Variants in AP3B2 observed in about 807,000 individuals in gnomAD.
AP3B2 encodes the protein AP-3 complex subunit beta-2.
AP3B2 carries 50 observed loss-of-function variants against 126.9 expected under a neutral mutation model. That is an observed-to-expected ratio of 0.39 (90% CI 0.31 to 0.50). The LOEUF is 0.50. Ranked by LOEUF, AP3B2 falls within the 20% of genes least tolerant of loss-of-function variation. The pLI is 0.79. For missense variants in AP3B2, 1,177 were observed against 1,426.4 expected (o/e 0.83, Z 2.82); for synonymous variants, 541 against 565.0 (o/e 0.96, Z 0.60).
At position 82,680,454 on chromosome 15, in the gene AP3B2, G is replaced by C. The variant is rs1020249899; in HGVS notation, c.1055+18C>G. 3.4e-6 allele frequency: 5 copies of C among 1,463,952 alleles called. No homozygotes were observed. The African/African-American group carries it at 7.2e-5, about 21-fold the overall frequency. The allele number at this position is 1,463,952 out of a possible 1,614,324, so 90.7% of individuals were successfully genotyped here. Reference sequence around the variant, plus strand: ...GGCAGGAGGCGAGGGAGGGGGCGGGGCTGGGGGCGGAGCGCACCTGTGGCT... The same window carrying C: ...GGCAGGAGGCGAGGGAGGGGGCGGGCCTGGGGGCGGAGCGCACCTGTGGCT... On this transcript the variant is annotated intron_variant, in intron 8 of 26. Coordinates refer to ENST00000535359, the MANE Select transcript of AP3B2 (RefSeq NM_001278512.2). This position sits in a 1 kb window ranked among gnomAD's most constrained non-coding sequence, Gnocchi z 6.1.
At chr15:82,682,641 A>G (rs2048359469) in intron 4 of AP3B2, among the ~76,000 whole-genome samples, 1 of 152,014 alleles carries the variant, frequency 6.6e-6, no homozygotes, top group South Asian at 2.1e-4. Context: ...ACTTGAGCCC[A>G]GGGAGTTGGA....
At chr15:82,676,744 AT>A in intron 13 of AP3B2, 107 bp from the exon 14 acceptor site, 1 of 1,145,762 alleles carries the variant, frequency 8.7e-7, no homozygotes, top group Non-Finnish European at 1.2e-6. Context: ...GGCCTGTTGT[AT>A]TATGGGTTCT....
chr15:82,680,812 C>A lies in AP3B2; in HGVS notation c.771+25G>T. The stretch of plus-strand genomic sequence containing the variant: ...CCTCCCCGGGACACACTTCGGCCCG[C>A]TCTGCCTGGGCTGGGCCCACTTACG... On this transcript the variant is annotated intron_variant, in intron 7 of 26. Coordinates refer to ENST00000535359, the MANE Select transcript of AP3B2 (RefSeq NM_001278512.2). The surrounding 1 kb of genome is among the most constrained non-coding windows in gnomAD (Gnocchi z 6.1). 1 of 1,612,330 alleles carries A rather than the reference C, an allele frequency of 6.2e-7. No homozygotes were observed. Among genetic ancestry groups the A allele is most frequent in the Non-Finnish European group, 8.5e-7 (1 of 1,179,122 alleles).
At chr15:82,685,424 T>C (rs1465019422) in intron 4 of AP3B2, 1 of 152,110 alleles carries the variant, frequency 6.6e-6, no homozygotes, top group Non-Finnish European at 1.5e-5. Flanking sequence ...TAAAGAAGGG[T>C]AGATATTACC....
chr15:82,688,989 T>C, intron 3 of AP3B2, 158 bp from the exon 4 acceptor site: 1 of 1,006,552 alleles, frequency 9.9e-7, no homozygotes, highest in African/African-American at 1.6e-5. Flanking sequence ...GTCCTTTACC[T>C]TGATCCACAT....
At chr15:82,692,305 C>G in intron 1 of AP3B2, 3 of 641,238 alleles carry the variant, frequency 4.7e-6, no homozygotes, top group Non-Finnish European at 7.8e-6. Context: ...ACGTCCTTCT[C>G]GCGCACGTTG....
chr15:82,700,266 C>G (rs941840154), intron 1 of AP3B2, among the ~76,000 whole-genome samples: 11 of 151,852 alleles, frequency 7.2e-5, no homozygotes, highest in African/African-American at 2.7e-4. Flanking sequence ...TCCCATCAAC[C>G]TTCTCTTATC....
intron 14 of AP3B2, among the ~76,000 whole-genome samples, chr15:82,670,330 G>C (rs148904396): frequency 4.6e-5 from 7 of 152,170 alleles, no homozygotes; most frequent in Non-Finnish European, 5.9e-5. Context: ...GGCTGCTCTT[G>C]AACTCCTGAC....
intron 14 of AP3B2, 62 bp downstream of exon 14, chr15:82,676,399 G>C: frequency 6.4e-7 from 1 of 1,553,970 alleles, no homozygotes; most frequent in South Asian, 1.2e-5. Context: ...AGGGCCAAAA[G>C]AATACTGTCT....
chr15:82,672,655 G>A (rs958220777), intron 14 of AP3B2, among the ~76,000 whole-genome samples: 2 of 152,084 alleles, frequency 1.3e-5, no homozygotes, highest in African/African-American at 4.8e-5. Context: ...TGAGAGGATG[G>A]ATACCCCATT....
chr15:82,697,678 G>C (rs2048651023), intron 1 of AP3B2, among the ~76,000 whole-genome samples: 1 of 152,240 alleles, frequency 6.6e-6, no homozygotes, highest in African/African-American at 2.4e-5. Flanking sequence ...AAAATAGAAA[G>C]ATGATGCCTT....
At chr15:82,703,377 G>A (rs1482701505) in intron 1 of AP3B2, among the ~76,000 whole-genome samples, 4 of 150,974 alleles carry the variant, frequency 2.6e-5, no homozygotes, top group African/African-American at 9.8e-5. Context: ...CACTTTCCTG[G>A]GGGGCAAAGC....
intron 4 of AP3B2, chr15:82,688,367 C>G: frequency 1.4e-6 from 1 of 698,274 alleles, no homozygotes; most frequent in Non-Finnish European, 2.6e-6. Context: ...TTGAAATCTA[C>G]CTGGCTGTGG....
rs989575662 is a variant in AP3B2 at position 82,681,918 on chromosome 15, T to G, written c.361-338A>C. On this transcript the variant is annotated intron_variant, in intron 4 of 26. Transcript: ENST00000535359. This position sits in a 1 kb window ranked among gnomAD's most constrained non-coding sequence, Gnocchi z 4.0. ...GAGGTGCCTGTTTTAATGCCTGAGG[T>G]GACCGCCCAGCAGATGCAAGCTGGT... Among the ~76,000 whole-genome samples, 1 of 152,116 alleles carries G rather than the reference T, an allele frequency of 6.6e-6. No homozygotes were observed. The highest frequency in any genetic ancestry group is 2.4e-5 in the African/African-American group (1 of 41,416).
chr15:82,699,948 C>T, intron 1 of AP3B2: 1 of 398,948 alleles, frequency 2.5e-6, no homozygotes, highest in Non-Finnish European at 4.4e-6. Context: ...AGATGGCCCG[C>T]CCCCAAAACT....
At chr15:82,666,302 G>C (rs1163195175) in intron 15 of AP3B2, among the ~76,000 whole-genome samples, 3 of 152,226 alleles carry the variant, frequency 2.0e-5, no homozygotes, top group Non-Finnish European at 4.4e-5. Flanking sequence ...TGGGGCCTGG[G>C]ATTTGGACTG....
rs1447412912 is a variant in AP3B2, at chr15:82,676,514, T to G, written c.1612A>C (p.Lys538Gln). 1 of 1,614,062 alleles carries G rather than the reference T, an allele frequency of 6.2e-7. No individual in the cohort carries two copies. The change falls in exon 14 of 27, where the codon AAG (lysine) becomes CAG (glutamine). Residue 538 changes from lysine (K) to glutamine (Q), a missense_variant. Lys to Gln is a moderately conservative substitution (Grantham distance 53). Coordinates refer to ENST00000535359, the MANE Select transcript of AP3B2 (RefSeq NM_001278512.2). ...KSFTAEEDIV[K>Q]LQVINLAAKL... ...GCTGCCAGGTTGATGACCTGCAGCT[T>G]GACAATATCCTCCTCTGCTGTGAAT...
At position 82,665,837 on chromosome 15, in the gene AP3B2, C is replaced by G. The variant is rs2048049138; in HGVS notation, c.1853-262G>C. ...CTACAGAGGTGGGCAGGAGGAGACT[C>G]TGGGCCCACAGATGCTGCCGACCTG... On this transcript the variant is annotated intron_variant, in intron 15 of 26. Coordinates refer to ENST00000535359, the MANE Select transcript of AP3B2 (RefSeq NM_001278512.2). The surrounding 1 kb of genome is among the most constrained non-coding windows in gnomAD (Gnocchi z 4.4). Among the ~76,000 whole-genome samples, 1 of 152,216 alleles carries G rather than the reference C, an allele frequency of 6.6e-6. No homozygotes were observed. Among genetic ancestry groups the G allele is most frequent in the African/African-American group, 2.4e-5 (1 of 41,470 alleles).
At position 82,664,220 on chromosome 15, in the gene AP3B2, G is replaced by C; in HGVS notation, c.2261+147C>G. On this transcript the variant is annotated intron_variant, in intron 19 of 26. Transcript: ENST00000535359. The surrounding 1 kb of genome is among the most constrained non-coding windows in gnomAD (Gnocchi z 4.5). ...GCCTCAGAGATCTCCTGCAGCCAGC[G>C]AAAGTAGGCGTCATGTGAGCTGACA... 1 of 1,359,992 alleles carries C rather than the reference G, an allele frequency of 7.4e-7. No homozygotes were observed. The highest frequency in any genetic ancestry group is 1.0e-6 in the Non-Finnish European group (1 of 1,003,696). The allele number at this position is 1,359,992 out of a possible 1,614,324, so 84.2% of individuals were successfully genotyped here.
Sources: gnomAD v4.1 joint callset for allele counts (sites outside exome capture counted in the v4.1 genomes callset) on GRCh38, gnomAD v4.1.1 for gene constraint, Gnocchi (gnomAD v3.1) non-coding constraint, MANE v1.5 for transcripts, NCBI Gene and HGNC (gene_info 2026-07-23, HGNC 2026-07-21) for gene names.